ERI3: variants seen among roughly 807,000 people sequenced by gnomAD.
ERI3 encodes ERI1 exoribonuclease 3.
In ERI3, 18 loss-of-function variants were observed where a neutral mutation model predicts 44.4. That is an observed-to-expected ratio of 0.41 (90% confidence interval 0.28 to 0.60). The LOEUF (loss-of-function observed/expected upper bound fraction) is 0.60, where lower values mean the gene tolerates loss of function less well. Among genes scored for constraint, ERI3 ranks in the 20% least tolerant of loss-of-function variants. ERI3 has a pLI of 0.36. For missense variants in ERI3, 294 were observed against 435.5 expected (o/e 0.68, Z 2.89); for synonymous variants, 183 against 164.8 (o/e 1.11, Z -0.84).
intron 1 of ERI3, 133 bp downstream of exon 1, chr1:44,354,759 G>C: frequency 1.6e-6 from 2 of 1,253,770 alleles, no homozygotes; most frequent in Non-Finnish European, 2.0e-6. Flanking sequence ...ACATTACTCA[G>C]TAGATTAAGT....
chr1:44,292,656 G>C (rs1029634315), intron 6 of ERI3, among the ~76,000 whole-genome samples: 3 of 152,176 alleles, frequency 2.0e-5, no homozygotes, highest in Non-Finnish European at 4.4e-5. Context: ...GCATGCACAC[G>C]TGCGGTCCCT....
chr1:44,308,414 C>A lies in ERI3; in HGVS notation c.667-13G>T, dbSNP rs199612153. 152 of 1,610,886 alleles carry A rather than the reference C, an allele frequency of 9.4e-5. No individual in the cohort carries two copies. Among genetic ancestry groups the A allele is most frequent in the Middle Eastern group, 3.3e-4 (2 of 6,054 alleles). On this transcript the variant is annotated splice_polypyrimidine_tract_variant and intron_variant, in intron 5 of 8. Transcript: ENST00000372257. ...ATTCATCGACCCTCTGAAAAGTACA[C>A]AAGAACAAATGAGATTTTCCTTTTT...
At chr1:44,299,211 C>G in intron 6 of ERI3, among the ~76,000 whole-genome samples, 1 of 151,670 alleles carries the variant, frequency 6.6e-6, no homozygotes, top group Admixed American at 6.6e-5. Flanking sequence ...GAGACAGGAT[C>G]TTACTCTGTT....
At chr1:44,345,385 G>A (rs1646763916) in intron 2 of ERI3, among the ~76,000 whole-genome samples, 2 of 152,146 alleles carry the variant, frequency 1.3e-5, no homozygotes, top group Non-Finnish European at 2.9e-5. Context: ...TACCACCCCT[G>A]GATTCAATTC....
At chr1:44,295,601 G>A (rs534649366) in intron 6 of ERI3, among the ~76,000 whole-genome samples, 2 of 152,292 alleles carry the variant, frequency 1.3e-5, no homozygotes, top group South Asian at 4.1e-4. Flanking sequence ...CCTTGGGAGA[G>A]AAGAGCTGCA....
At chr1:44,238,196 C>G (rs78521986) in intron 8 of ERI3, among the ~76,000 whole-genome samples, 3 of 152,108 alleles carry the variant, frequency 2.0e-5, no homozygotes, top group African/African-American at 4.8e-5. Context: ...CTCCCTCCCC[C>G]ACCAGAGCCA....
intron 7 of ERI3, among the ~76,000 whole-genome samples, chr1:44,250,142 C>T (rs1159487041): frequency 6.6e-6 from 1 of 152,214 alleles, no homozygotes. Context: ...TCTCGGCTGA[C>T]ACTCAATTCA....
At chr1:44,270,902 C>T (rs569482006) in intron 7 of ERI3, among the ~76,000 whole-genome samples, 25 of 152,344 alleles carry the variant, frequency 1.6e-4, no homozygotes, top group African/African-American at 5.8e-4. Context: ...TGCCAAGCTG[C>T]TCATCTAACA....
chr1:44,260,574 G>A (rs1644873847), intron 7 of ERI3, among the ~76,000 whole-genome samples: 2 of 152,182 alleles, frequency 1.3e-5, no homozygotes, highest in South Asian at 4.1e-4. Context: ...CTAGAAGGGA[G>A]TACCTTTAGA....
In ERI3 at chr1:44,342,812, AATATATATATATATATATATATAT is replaced by A. The variant is rs59012227; in HGVS notation, c.212-3514_212-3491del. 9.3e-3 allele frequency among the ~76,000 whole-genome samples: 287 copies of A among 30,892 alleles called. 10 individuals carry two copies. Among genetic ancestry groups the A allele is most frequent in the African/African-American group, 0.027 (232 of 8,674 alleles). 20.3% of individuals were successfully genotyped at this position (30,892 alleles called of 152,430 possible). A position where few individuals can be genotyped will look rare whatever the true frequency, so the allele number is the denominator to read the frequency against. ...CAGGCATGTGCCACCACATCCAGCT[AATATATATATATATATATATATAT>A]ATATATATATATATATATATATTTT... On this transcript the variant is annotated intron_variant, in intron 2 of 8. Transcript: ENST00000372257.
intron 2 of ERI3, among the ~76,000 whole-genome samples, chr1:44,341,048 A>G (rs1646642337): frequency 6.6e-6 from 1 of 152,258 alleles, no homozygotes. Flanking sequence ...AAAAAAGTGT[A>G]AAGACTTCTG....
chr1:44,339,318 T>C lies in ERI3; in HGVS notation c.216A>G (p.Leu72=). 1 of 1,220,962 alleles carries C rather than the reference T, an allele frequency of 8.2e-7. No homozygotes were observed. The highest frequency in any genetic ancestry group is 1.1e-6 in the Non-Finnish European group (1 of 950,298). The allele number at this position is 1,220,962 out of a possible 1,614,324, so 75.6% of individuals were successfully genotyped here. The change falls in exon 3 of 9, where the codon TTA becomes TTG. Residue 72 remains leucine, a synonymous_variant. Coordinates refer to ENST00000372257, the MANE Select transcript of ERI3 (RefSeq NM_024066.3). ...CTAGCATTGAACATCCAGAAGCATC[T>C]AAAACTTAGGGGAGGAAAGTTTAAA... is the stretch of plus-strand genomic sequence containing the variant. ...GLGIFEVRRV[L]DASGCSMLAP...
intron 8 of ERI3, among the ~76,000 whole-genome samples, chr1:44,238,861 C>T (rs1463191381): frequency 2.0e-5 from 3 of 152,112 alleles, no homozygotes; most frequent in Admixed American, 6.5e-5. Flanking sequence ...CCCCTGCTCA[C>T]TTAGCCCTGT....
At chr1:44,262,447 C>T (rs1041009550) in intron 7 of ERI3, among the ~76,000 whole-genome samples, 1 of 152,236 alleles carries the variant, frequency 6.6e-6, no homozygotes, top group South Asian at 2.1e-4. Flanking sequence ...GCTTCTCTCA[C>T]TCCCCTGGGA....
At chr1:44,280,552 G>T (rs1380610626) in intron 7 of ERI3, among the ~76,000 whole-genome samples, 1 of 152,160 alleles carries the variant, frequency 6.6e-6, no homozygotes. Flanking sequence ...CTCGGAGAGG[G>T]TCACTATTGG....
At chr1:44,255,443 G>T (rs948590207) in intron 7 of ERI3, among the ~76,000 whole-genome samples, 45 of 151,978 alleles carry the variant, frequency 3.0e-4, no homozygotes, top group African/African-American at 1.0e-3. Flanking sequence ...TCTGCATTTG[G>T]TCATCGTATC....
intron 2 of ERI3, among the ~76,000 whole-genome samples, chr1:44,345,864 G>C (rs924962072): frequency 6.6e-6 from 1 of 152,202 alleles, no homozygotes; most frequent in African/African-American, 2.4e-5. Flanking sequence ...GGTTCACACT[G>C]CAAGAAATAG....
chr1:44,258,671 C>T (rs1644827233), intron 7 of ERI3, among the ~76,000 whole-genome samples: 2 of 152,158 alleles, frequency 1.3e-5, no homozygotes, highest in East Asian at 1.9e-4. Context: ...AGGACCCACA[C>T]GGCCTTCAGT....
rs146332791 is a variant in ERI3 at position 44,253,066 on chromosome 1, G to C, written c.832-5028C>G. On this transcript the variant is annotated intron_variant, in intron 7 of 8. Transcript: ENST00000372257. ...CCTAACCCCCAACAGAGATGAAGCTGTGATGGTGATACTCCAGAGGATAGG... is the reference window on the plus strand; with the variant it reads ...CCTAACCCCCAACAGAGATGAAGCTCTGATGGTGATACTCCAGAGGATAGG... 3.4e-3 allele frequency among the ~76,000 whole-genome samples: 519 copies of C among 152,318 alleles called. 1 individual carries two copies. Among genetic ancestry groups the C allele is most frequent in the African/African-American group, 0.011 (475 of 41,568 alleles).
Sources: gnomAD v4.1 joint callset for allele counts (sites outside exome capture counted in the v4.1 genomes callset) on GRCh38, gnomAD v4.1.1 for gene constraint, MANE v1.5 for transcripts, NCBI Gene and HGNC (gene_info 2026-07-23, HGNC 2026-07-21) for gene names.